Variants in SHB observed in about 807,000 individuals in gnomAD.
SHB encodes SH2 domain-containing adapter protein B.
A neutral mutation model predicts 52.3 loss-of-function variants in SHB; 20 were observed. That is an observed-to-expected ratio of 0.38 (90% CI 0.27 to 0.56). SHB has a LOEUF of 0.56. Ranked by LOEUF, SHB falls within the 20% of genes least tolerant of loss-of-function variation. SHB has a pLI of 0.71. For missense variants in SHB, 825 were observed against 723.3 expected (o/e 1.14, Z -1.61); for synonymous variants, 397 against 316.5 (o/e 1.25, Z -2.70).
intron 1 of SHB, among the ~76,000 whole-genome samples, chr9:38,040,127 T>C (rs532456671): frequency 6.6e-6 from 1 of 152,348 alleles, no homozygotes; most frequent in South Asian, 2.1e-4. Flanking sequence ...CTATCTGCTG[T>C]GTGCAGGAAG....
intron 4 of SHB, among the ~76,000 whole-genome samples, chr9:37,950,905 TTTTACATTAC>T (rs1832559081): frequency 6.6e-6 from 1 of 152,204 alleles, no homozygotes; most frequent in African/African-American, 2.4e-5. Context: ...AGAGGCTGCA[TTTTACATTAC>T]ATTTCCAGGT....
At chr9:38,035,685 G>C (rs926296610) in intron 1 of SHB, among the ~76,000 whole-genome samples, 3 of 152,094 alleles carry the variant, frequency 2.0e-5, no homozygotes, top group African/African-American at 7.2e-5. Context: ...GGATAATCTA[G>C]GGAGAGGTCA....
At chr9:38,058,579 G>A (rs1255944942) in intron 1 of SHB, among the ~76,000 whole-genome samples, 1 of 152,166 alleles carries the variant, frequency 6.6e-6, no homozygotes, top group African/African-American at 2.4e-5. Context: ...CAAGTCAGAT[G>A]CGTGGCTGGC....
intron 2 of SHB, among the ~76,000 whole-genome samples, chr9:38,013,955 T>C (rs1274355922): frequency 6.6e-6 from 1 of 152,192 alleles, no homozygotes; most frequent in Non-Finnish European, 1.5e-5. Context: ...TGAGGCTTAA[T>C]GAGGGTATAT....
chr9:37,925,305 C>G (rs1362578956), intron 5 of SHB, among the ~76,000 whole-genome samples: 1 of 152,248 alleles, frequency 6.6e-6, no homozygotes, highest in East Asian at 1.9e-4. Context: ...AGGCTGGATA[C>G]AGTGGATGCT....
chr9:38,015,954 C>T, intron 2 of SHB, 57 bp downstream of exon 2: 2 of 1,588,708 alleles, frequency 1.3e-6, no homozygotes, highest in Admixed American at 3.4e-5. Flanking sequence ...AGTGCCCTCA[C>T]TCCCTTTCTA....
chr9:37,937,588 G>C (rs995728713), intron 5 of SHB, among the ~76,000 whole-genome samples: 1 of 152,228 alleles, frequency 6.6e-6, no homozygotes, highest in Non-Finnish European at 1.5e-5. Flanking sequence ...CCCGCGGATG[G>C]AACAGCCTCT....
At chr9:38,017,317 T>A (rs563325919) in intron 1 of SHB, among the ~76,000 whole-genome samples, 1 of 152,154 alleles carries the variant, frequency 6.6e-6, no homozygotes, top group African/African-American at 2.4e-5. Flanking sequence ...GTTACATGAA[T>A]TGTTATTTAA....
chr9:38,000,118 A>G (rs1274106896), intron 2 of SHB, among the ~76,000 whole-genome samples: 4 of 152,216 alleles, frequency 2.6e-5, no homozygotes, highest in Admixed American at 6.5e-5. Flanking sequence ...AGACAACAGA[A>G]CGGATGTCCA....
chr9:38,055,934 C>CA (rs1821808763), intron 1 of SHB, among the ~76,000 whole-genome samples: 1 of 152,156 alleles, frequency 6.6e-6, no homozygotes, highest in African/African-American at 2.4e-5. Flanking sequence ...CCACACACCA[C>CA]AGCAGGTTTG....
At position 37,948,764 on chromosome 9, in the gene SHB, G is replaced by C. The variant is rs745366297; in HGVS notation, c.1227-10C>G. The C allele has an allele frequency of 6.2e-7, 1 of 1,613,546 alleles. No individual in the cohort carries two copies. Among genetic ancestry groups the C allele is most frequent in the Non-Finnish European group, 8.5e-7 (1 of 1,179,974 alleles). ...GGCTCCGTGATACCATCTGTGGAGA[G>C]GGCAGAGAGTGGTCAGAGCCCAGCG... On this transcript the variant is annotated splice_polypyrimidine_tract_variant and intron_variant, in intron 4 of 5. Coordinates refer to ENST00000377707, the MANE Select transcript of SHB (RefSeq NM_003028.3).
intron 5 of SHB, among the ~76,000 whole-genome samples, chr9:37,937,782 A>G (rs1384629563): frequency 6.6e-6 from 1 of 152,244 alleles, no homozygotes; most frequent in Non-Finnish European, 1.5e-5. Context: ...AAGAATATAC[A>G]GTGCTTACGG....
At chr9:38,066,334 T>C (rs1234352479) in intron 1 of SHB, among the ~76,000 whole-genome samples, 19 of 152,154 alleles carry the variant, frequency 1.2e-4, no homozygotes, top group African/African-American at 4.1e-4. Flanking sequence ...TCCAGTGCAG[T>C]TAGCCGTGAC....
chr9:38,056,996 T>C (rs970212435), intron 1 of SHB, among the ~76,000 whole-genome samples: 2 of 152,378 alleles, frequency 1.3e-5, no homozygotes, highest in Admixed American at 6.5e-5. Flanking sequence ...GTAAAACAGG[T>C]GTCAACTTGT....
intron 1 of SHB, among the ~76,000 whole-genome samples, chr9:38,064,567 C>T (rs59771956): frequency 6.6e-6 from 1 of 152,222 alleles, no homozygotes; most frequent in Non-Finnish European, 1.5e-5. Context: ...ACTTCCAACC[C>T]TAGATCCAGC....
At chr9:38,023,365 A>G (rs1821304108) in intron 1 of SHB, among the ~76,000 whole-genome samples, 1 of 152,140 alleles carries the variant, frequency 6.6e-6, no homozygotes, top group Non-Finnish European at 1.5e-5. Context: ...GTAAGGAGCA[A>G]ATAATCAGAT....
chr9:38,065,466 G>C lies in SHB; in HGVS notation c.717+2463C>G, dbSNP rs146346795. Among the ~76,000 whole-genome samples the C allele has an allele frequency of 4.8e-3, 735 of 152,252 alleles. 6 individuals are homozygous for C. Among genetic ancestry groups the C allele is most frequent in the Middle Eastern group, 0.02 (6 of 294 alleles). On this transcript the variant is annotated intron_variant, in intron 1 of 5. Coordinates refer to ENST00000377707, the MANE Select transcript of SHB (RefSeq NM_003028.3). ...TTTCCCCTCAACCTGGGAAATGATGGAATGCAAACACTCAGGTCCCCCACC... is the reference window on the plus strand; with the variant it reads ...TTTCCCCTCAACCTGGGAAATGATGCAATGCAAACACTCAGGTCCCCCACC...
intron 2 of SHB, among the ~76,000 whole-genome samples, chr9:37,978,006 C>T (rs1395093620): frequency 1.3e-5 from 2 of 152,204 alleles, no homozygotes; most frequent in East Asian, 3.8e-4. Flanking sequence ...CAAAGAGATA[C>T]TCAGTGAATG....
At chr9:38,017,262 C>G (rs1216134935) in intron 1 of SHB, among the ~76,000 whole-genome samples, 1 of 152,216 alleles carries the variant, frequency 6.6e-6, no homozygotes, top group Non-Finnish European at 1.5e-5. Context: ...CACCCGGCTG[C>G]TTCTCTTGGG....
Sources: gnomAD v4.1 joint callset for allele counts (sites outside exome capture counted in the v4.1 genomes callset) on GRCh38, gnomAD v4.1.1 for gene constraint, MANE v1.5 for transcripts, NCBI Gene and HGNC (gene_info 2026-07-23, HGNC 2026-07-21) for gene names.